The following KMT2E variants were observed in gnomAD, a reference collection of about 807,000 sequenced individuals.
KMT2E encodes the protein histone reader KMT2E.
KMT2E carries 30 observed loss-of-function variants against 184.6 expected under a neutral mutation model. The ratio of observed to expected loss-of-function variants is 0.16; its 90% CI spans 0.12 to 0.22. The LOEUF (loss-of-function observed/expected upper bound fraction) is 0.22, where lower values mean the gene tolerates loss of function less well. Among genes scored for constraint, KMT2E ranks in the 10% least tolerant of loss-of-function variants. The pLI, the probability that KMT2E is intolerant of heterozygous loss-of-function variation, is 1.00. For synonymous variants in KMT2E, 815 were observed against 776.5 expected, an observed-to-expected ratio of 1.05 and a Z score of -0.82; for missense variants, 2,023 against 2,237.4, an observed-to-expected ratio of 0.90 and a Z score of 1.93.
intron 6 of KMT2E, among the ~76,000 whole-genome samples, chr7:105,068,638 T>G (rs1386650262): frequency 2.3e-5 from 3 of 129,604 alleles, no homozygotes; most frequent in Non-Finnish European, 4.6e-5. Context: ...TTTTTTTTTT[T>G]GTTTTTTTTT....
Position 105,112,381 on chromosome 7 carries a change from C to T in KMT2E, c.4625C>T (p.Thr1542Met), listed in dbSNP as rs141511137. ...TTTAACCAACAAAGTCTGAACAGCA[C>T]GGCACCACCCCCTCCACCTCCTCCA... ...SQFNQQSLNS[T>M]APPPPPPPPP... is the part of the protein sequence containing the mutation. Residue 1542 changes from threonine to methionine, a missense_variant, in exon 27 of 27, where the codon ACG (threonine) becomes ATG (methionine). This residue lies in a region of KMT2E where 1,108 missense variants were observed against 1,050.9 expected (regional missense o/e 1.05). Transcript: ENST00000311117. 94 of 1,612,720 alleles carry T rather than the reference C, an allele frequency of 5.8e-5. No individual in the cohort carries two copies. The Admixed American group carries it at 8.5e-4, about 15-fold the overall frequency.
At chr7:105,103,118 TCTAA>T (rs1798728597) in intron 17 of KMT2E, 2 of 152,284 alleles carry the variant, frequency 1.3e-5, no homozygotes, top group South Asian at 4.1e-4. Context: ...ACAAAAAAAT[TCTAA>T]CTTTGTAAAG....
At chr7:105,066,967 A>C (rs1797050928) in intron 6 of KMT2E, among the ~76,000 whole-genome samples, 160 bp downstream of exon 6, 1 of 151,100 alleles carries the variant, frequency 6.6e-6, no homozygotes, top group Non-Finnish European at 1.5e-5. Flanking sequence ...TGAGGCAGGA[A>C]GATTGCTTGA....
At chr7:105,032,544 C>T (rs1795467964) in intron 1 of KMT2E, among the ~76,000 whole-genome samples, 2 of 152,290 alleles carry the variant, frequency 1.3e-5, no homozygotes, top group East Asian at 1.9e-4. Context: ...GTCTGTTCCC[C>T]ACGCTGGAGT....
At chr7:105,015,332 AACAAT>A (rs1794672418) in intron 1 of KMT2E, among the ~76,000 whole-genome samples, 1 of 152,196 alleles carries the variant, frequency 6.6e-6, no homozygotes, top group African/African-American at 2.4e-5. Context: ...GTGAGAAAAA[AACAAT>A]CCAGAGTGCT....
At chr7:105,030,892 G>T (rs1217145451) in intron 1 of KMT2E, among the ~76,000 whole-genome samples, 1 of 152,188 alleles carries the variant, frequency 6.6e-6, no homozygotes, top group Non-Finnish European at 1.5e-5. Flanking sequence ...TCATCAGAAA[G>T]ATTTGTTTAA....
In KMT2E at chr7:105,089,957, TC is replaced by T. The variant is rs1251016376; in HGVS notation, c.1359-50del. On this transcript the variant is annotated intron_variant, in intron 13 of 26. Transcript: ENST00000311117. Reference sequence around the variant, plus strand: ...GCAGCTTAAAATGGATTAGAAAATTTCCAGTTTTGTTTTATATTTTGAAATA... The same window carrying T: ...GCAGCTTAAAATGGATTAGAAAATTTCAGTTTTGTTTTATATTTTGAAATA... The T allele has an allele frequency of 3.8e-6, 6 of 1,579,050 alleles. No homozygotes were observed. In the African/African-American group the frequency reaches 8.2e-5, roughly 22 times the overall value.
intron 3 of KMT2E, among the ~76,000 whole-genome samples, chr7:105,048,346 A>AT (rs1233685429): frequency 1.3e-5 from 2 of 152,154 alleles, no homozygotes; most frequent in African/African-American, 4.8e-5. Context: ...CAAAATCCTC[A>AT]TTTTTTAACA....
At chr7:105,052,045 C>T (rs977123795) in intron 3 of KMT2E, among the ~76,000 whole-genome samples, 7 of 152,168 alleles carry the variant, frequency 4.6e-5, no homozygotes, top group Non-Finnish European at 7.3e-5. Context: ...TATGCTTCTT[C>T]TGAAGCATAA....
At chr7:105,106,915 T>G in intron 20 of KMT2E, 143 bp downstream of exon 20, 1 of 844,946 alleles carries the variant, frequency 1.2e-6, no homozygotes, top group Non-Finnish European at 1.8e-6. Context: ...GAAAAATTCA[T>G]TTATATGAAT....
chr7:105,074,851 A>C (rs1252076346), intron 8 of KMT2E, 36 bp downstream of exon 8: 2 of 1,489,176 alleles, frequency 1.3e-6, no homozygotes, highest in African/African-American at 2.8e-5. Flanking sequence ...AGTGGATAGG[A>C]TAGCGGATAG....
rs1274145448 is a variant in KMT2E, at chr7:105,111,833, A to C, written c.4077A>C (p.Ser1359=). Residue 1359 remains serine, a synonymous_variant, in exon 27 of 27, where the codon TCA becomes TCC. Transcript: ENST00000311117. ...TTGTTTTCTCTTCATAGCCTGGTTC[A>C]CCTGGATCTGTAATTCCTGCTCAAG... ...KSPPKMSKPG[S]PGSVIPAQAH... is the part of the protein sequence containing the mutation. The C allele has an allele frequency of 1.2e-6, 2 of 1,611,864 alleles. No homozygotes were observed. Among genetic ancestry groups the C allele is most frequent in the Non-Finnish European group, 1.7e-6 (2 of 1,178,954 alleles).
At chr7:105,077,563 G>A in intron 11 of KMT2E, 130 bp downstream of exon 11, 1 of 686,116 alleles carries the variant, frequency 1.5e-6, no homozygotes. Context: ...AAGCTGTAGT[G>A]TGGTTGAACA....
At chr7:105,084,866 T>G (rs183177221) in intron 13 of KMT2E, among the ~76,000 whole-genome samples, 1 of 152,164 alleles carries the variant, frequency 6.6e-6, no homozygotes, top group Non-Finnish European at 1.5e-5. Flanking sequence ...TAAATAGTTA[T>G]GATTTAATAA....
At chr7:105,062,828 A>G (rs144485695) in intron 4 of KMT2E, among the ~76,000 whole-genome samples, 3 of 152,100 alleles carry the variant, frequency 2.0e-5, no homozygotes, top group Non-Finnish European at 4.4e-5. Flanking sequence ...ACGTAATTAC[A>G]TAACAACACA....
intron 3 of KMT2E, 131 bp downstream of exon 3, chr7:105,041,154 AAAAG>A: frequency 1.7e-6 from 1 of 605,816 alleles, no homozygotes; most frequent in South Asian, 2.4e-5. Context: ...TAAAAAAAAA[AAAAG>A]CGAAGTTACC....
intron 3 of KMT2E, among the ~76,000 whole-genome samples, chr7:105,056,839 C>T (rs4730069): frequency 0.27 from 41,035 of 152,018 alleles, 8,110 homozygotes; most frequent in East Asian, 0.58. Flanking sequence ...ATTTGAACTT[C>T]ATATTGCTGG....
chr7:105,102,381 A>C, intron 17 of KMT2E, 187 bp downstream of exon 17: 1 of 474,816 alleles, frequency 2.1e-6, no homozygotes, highest in East Asian at 3.9e-5. Flanking sequence ...CATTACTGTG[A>C]AGATAAAGTT....
rs869055986 is a variant in KMT2E, at chr7:105,071,608, ATTTTTT to A, written c.498-1988_498-1983del. ...TATATATATATATATATATATATAT[ATTTTTT>A]TTTTTTTTTTTTTTTTTTTTTTAAG... On this transcript the variant is annotated intron_variant, in intron 6 of 26. Transcript: ENST00000311117. Among the ~76,000 whole-genome samples the A allele has an allele frequency of 4.8e-3, 151 of 31,662 alleles. 1 individual carries two copies. Among genetic ancestry groups the A allele is most frequent in the African/African-American group, 0.018 (130 of 7,074 alleles). The allele number at this position is 31,662 out of a possible 152,430, so 20.8% of individuals were successfully genotyped here.
Sources: gnomAD v4.1 joint callset for allele counts (sites outside exome capture counted in the v4.1 genomes callset) on GRCh38, gnomAD v4.1.1 for gene constraint, gnomAD v4.1.1 regional missense constraint, MANE v1.5 for transcripts, NCBI Gene and HGNC (gene_info 2026-07-23, HGNC 2026-07-21) for gene names.